LRRTM4: variants seen among roughly 807,000 people sequenced by gnomAD.
LRRTM4 encodes leucine rich repeat transmembrane neuronal 4.
LRRTM4 carries 25 observed loss-of-function variants against 47.6 expected under a neutral mutation model. The observed-to-expected ratio is 0.53, with a 90% CI of 0.38 to 0.73. The LOEUF (loss-of-function observed/expected upper bound fraction) is 0.73, where lower values mean the gene tolerates loss of function less well. Ranked by LOEUF, LRRTM4 falls within the 30% of genes least tolerant of loss-of-function variation. The probability of loss-of-function intolerance (pLI) is 0.00; values close to 1 mark genes in which losing one functional copy is unlikely to be tolerated. For synonymous variants in LRRTM4, 311 were observed against 269.5 expected (o/e 1.15, Z -1.51); for missense variants, 638 against 713.4 (o/e 0.89, Z 1.20).
rs956481437 is a variant in LRRTM4 at position 76,793,110 on chromosome 2, G to A, written c.1552-44194C>T. Among the ~76,000 whole-genome samples the A allele has an allele frequency of 2.6e-5, 4 of 152,122 alleles. 1 individual carries two copies. The highest frequency in any genetic ancestry group is 9.7e-5 in the African/African-American group (4 of 41,434). On this transcript the variant is annotated intron_variant, in intron 3 of 3. Transcript: ENST00000409884. ...AAGTCACATAGAACTTGGAATTACA[G>A]GTTAATATTTTCCCTCAAGTCTTTA...
At chr2:76,953,451 T>A (rs1200013342) in intron 3 of LRRTM4, among the ~76,000 whole-genome samples, 1 of 151,872 alleles carries the variant, frequency 6.6e-6, no homozygotes, top group Non-Finnish European at 1.5e-5. Flanking sequence ...GCAGCACTGC[T>A]CACAATTGGT....
intron 3 of LRRTM4, among the ~76,000 whole-genome samples, chr2:77,170,174 T>G (rs1294160217): frequency 1.3e-5 from 2 of 152,006 alleles, no homozygotes; most frequent in African/African-American, 4.8e-5. Context: ...ATTATATAGG[T>G]GGGTCCAGTC....
intron 3 of LRRTM4, among the ~76,000 whole-genome samples, chr2:76,777,326 T>C (rs1373972348): frequency 1.4e-5 from 2 of 142,552 alleles, no homozygotes; most frequent in East Asian, 2.3e-4. Context: ...GGGGATGGCA[T>C]TGAATCTGTA....
intron 3 of LRRTM4, among the ~76,000 whole-genome samples, chr2:77,248,246 T>C (rs976089837): frequency 6.6e-6 from 1 of 151,752 alleles, no homozygotes; most frequent in Admixed American, 6.6e-5. Context: ...TGTTTGTATA[T>C]GTTTTTAATA....
chr2:76,956,900 C>G (rs889798897), intron 3 of LRRTM4, among the ~76,000 whole-genome samples: 1 of 151,226 alleles, frequency 6.6e-6, no homozygotes, highest in African/African-American at 2.4e-5. Flanking sequence ...AAAGAAAATT[C>G]TTAGCAGACT....
rs145801898 is a variant in LRRTM4 at position 77,153,567 on chromosome 2, A to C, written c.1551+364751T>G. On this transcript the variant is annotated intron_variant, in intron 3 of 3. Transcript: ENST00000409884. ...TTATTATGCCTCAACTTAAAGGGCC[A>C]CATGCCTTATTTGAAAAGCTGAGTT... is the stretch of plus-strand genomic sequence containing the variant. 1.2e-3 allele frequency among the ~76,000 whole-genome samples: 181 copies of C among 152,354 alleles called. 1 individual carries two copies. Among genetic ancestry groups the C allele is most frequent in the African/African-American group, 4.1e-3 (170 of 41,590 alleles).
At chr2:76,797,532 C>G (rs1020227171) in intron 3 of LRRTM4, among the ~76,000 whole-genome samples, 10 of 151,854 alleles carry the variant, frequency 6.6e-5, no homozygotes, top group African/African-American at 1.7e-4. Flanking sequence ...TAAAGACCAT[C>G]GAGACTAGGA....
At chr2:76,918,318 T>G (rs1674322177) in intron 3 of LRRTM4, among the ~76,000 whole-genome samples, 1 of 152,232 alleles carries the variant, frequency 6.6e-6, no homozygotes, top group Non-Finnish European at 1.5e-5. Context: ...TATTTAATGT[T>G]TAAGTTTTTA....
chr2:76,855,899 G>C (rs4277548), intron 3 of LRRTM4, among the ~76,000 whole-genome samples: 19,592 of 152,084 alleles, frequency 0.13, 1,836 homozygotes, highest in East Asian at 0.48. Context: ...GCCCACTCTG[G>C]AAGTTTTTAA....
chr2:76,830,604 C>A (rs1671322145), intron 3 of LRRTM4, among the ~76,000 whole-genome samples: 1 of 150,838 alleles, frequency 6.6e-6, no homozygotes, highest in Admixed American at 6.7e-5. Context: ...ATATTTGCAT[C>A]TTTTAGTTTC....
chr2:77,318,538 A>G (rs1266784680), intron 3 of LRRTM4, among the ~76,000 whole-genome samples: 4 of 152,182 alleles, frequency 2.6e-5, no homozygotes, highest in Non-Finnish European at 4.4e-5. Context: ...CCTGGAAAAT[A>G]TAACTACCCT....
intron 3 of LRRTM4, among the ~76,000 whole-genome samples, chr2:76,926,764 C>T (rs930395194): frequency 2.0e-5 from 3 of 152,082 alleles, no homozygotes; most frequent in Non-Finnish European, 2.9e-5. Context: ...TTTCTAGCCT[C>T]CAGAACTGTA....
intron 3 of LRRTM4, among the ~76,000 whole-genome samples, chr2:77,336,366 G>T (rs1461233275): frequency 1.3e-5 from 2 of 151,936 alleles, no homozygotes; most frequent in Admixed American, 6.6e-5. Flanking sequence ...CCTATGAGAG[G>T]CTTGCACTTT....
chr2:76,952,353 AAAC>A (rs947117588), intron 3 of LRRTM4, among the ~76,000 whole-genome samples: 17 of 152,118 alleles, frequency 1.1e-4, no homozygotes, highest in African/African-American at 3.6e-4. Context: ...ATCAACAAGA[AAAC>A]AACAAATAAC....
intron 3 of LRRTM4, among the ~76,000 whole-genome samples, chr2:77,289,765 T>C (rs577703181): frequency 1.3e-5 from 2 of 152,158 alleles, no homozygotes; most frequent in East Asian, 3.9e-4. Context: ...ATTAAAAATA[T>C]CTCAATGTTT....
At chr2:77,051,655 T>C (rs888760401) in intron 3 of LRRTM4, among the ~76,000 whole-genome samples, 17 of 152,152 alleles carry the variant, frequency 1.1e-4, no homozygotes, top group African/African-American at 3.6e-4. Flanking sequence ...TTCTCTGGGA[T>C]AGATAGTACA....
rs905957268 is a variant in LRRTM4 at position 77,075,377 on chromosome 2, A to T, written c.1552-326461T>A. On this transcript the variant is annotated intron_variant, in intron 3 of 3. Coordinates refer to ENST00000409884, the MANE Select transcript of LRRTM4 (RefSeq NM_001134745.3). ...TAAGAAAATCAGAGGTTAATTTTTA[A>T]AAAATTTCTTCAGACTAAATAAAAC... 2.0e-5 allele frequency among the ~76,000 whole-genome samples: 3 copies of T among 152,130 alleles called. No individual in the cohort carries two copies. In the East Asian group the frequency reaches 5.8e-4, roughly 29 times the overall value.
At chr2:76,809,949 GC>G (rs1670683724) in intron 3 of LRRTM4, among the ~76,000 whole-genome samples, 1 of 151,878 alleles carries the variant, frequency 6.6e-6, no homozygotes, top group Non-Finnish European at 1.5e-5. Flanking sequence ...ATAGACTCCT[GC>G]CCTGACCAAC....
intron 3 of LRRTM4, among the ~76,000 whole-genome samples, chr2:77,381,288 C>T (rs1246134301): frequency 1.3e-5 from 2 of 152,014 alleles, no homozygotes; most frequent in Non-Finnish European, 2.9e-5. Context: ...AGTCAATGGG[C>T]TTTCCACAAA....
Sources: gnomAD v4.1 joint callset for allele counts (sites outside exome capture counted in the v4.1 genomes callset) on GRCh38, gnomAD v4.1.1 for gene constraint, MANE v1.5 for transcripts, NCBI Gene and HGNC (gene_info 2026-07-23, HGNC 2026-07-21) for gene names.